VPS13B: variants seen among roughly 807,000 people sequenced by gnomAD.
The protein encoded by VPS13B is vacuolar protein sorting 13 homolog B.
Under a neutral mutation model 426.4 loss-of-function variants are expected in VPS13B, and 285 were observed. The observed-to-expected ratio is 0.67, with a 90% CI of 0.61 to 0.74. The LOEUF (loss-of-function observed/expected upper bound fraction) is 0.74, where lower values mean the gene tolerates loss of function less well. VPS13B is among the 30% of genes least tolerant of loss of function. The probability of loss-of-function intolerance (pLI) is 0.00; values close to 1 mark genes in which losing one functional copy is unlikely to be tolerated. For synonymous variants in VPS13B, 1,676 were observed against 1,676.4 expected (o/e 1.00, Z 0.01); for missense variants, 4,537 against 4,782.6 (o/e 0.95, Z 1.51).
intron 4 of VPS13B, among the ~76,000 whole-genome samples, chr8:99,097,985 T>C (rs867103706): frequency 1.5e-4 from 23 of 152,298 alleles, no homozygotes; most frequent in Non-Finnish European, 2.8e-4. Context: ...TCTACAGATA[T>C]TAACAAAGAC....
Position 99,877,363 on chromosome 8 carries a change from T to C in VPS13B, c.*1697T>C, listed in dbSNP as rs936547217. 3 of 152,666 alleles carry C rather than the reference T, an allele frequency of 2.0e-5. No individual in the cohort carries two copies. The highest frequency in any genetic ancestry group is 6.5e-5 in the Admixed American group (1 of 15,280). 9.5% of individuals were successfully genotyped at this position (152,666 alleles called of 1,614,324 possible). On this transcript the variant is annotated 3_prime_UTR_variant, in exon 62 of 62. Transcript: ENST00000357162. ...TATGTATTAATCCTTGTATCTTTTA[T>C]GGTAATTTTGCATATTGATATGAAT...
intron 19 of VPS13B, among the ~76,000 whole-genome samples, chr8:99,358,696 A>G (rs1812326303): frequency 6.6e-6 from 1 of 152,192 alleles, no homozygotes; most frequent in African/African-American, 2.4e-5. Context: ...ACACATCTGA[A>G]GAATAGCAGA....
At chr8:99,327,596 G>A (rs1001499016) in intron 19 of VPS13B, among the ~76,000 whole-genome samples, 1 of 152,110 alleles carries the variant, frequency 6.6e-6, no homozygotes, top group Non-Finnish European at 1.5e-5. Context: ...TAGAGATAGG[G>A]CAGTCAACAC....
In VPS13B at chr8:99,577,656, C is replaced by T. The variant is rs200363411; in HGVS notation, c.5220+23C>T. The T allele has an allele frequency of 1.2e-3, 1,899 of 1,612,504 alleles. 9 individuals carry two copies. The highest frequency in any genetic ancestry group is 9.4e-4 in the Non-Finnish European group (1,112 of 1,179,578). ...GAGGTAACTGTTACCTGATTTTGAT[C>T]AGGCTTACTGCATTTGTTCCAACTT... On this transcript the variant is annotated intron_variant, in intron 33 of 61. Transcript: ENST00000357162.
intron 14 of VPS13B, among the ~76,000 whole-genome samples, chr8:99,150,426 T>C (rs1811007051): frequency 6.6e-6 from 1 of 152,204 alleles, no homozygotes; most frequent in South Asian, 2.1e-4. Flanking sequence ...ACATTAGGGT[T>C]CACTCTTGGT....
chr8:99,625,787 A>AG (rs749995643), intron 33 of VPS13B, among the ~76,000 whole-genome samples: 21 of 152,306 alleles, frequency 1.4e-4, no homozygotes, highest in Admixed American at 3.9e-4. Context: ...CCGAGGCTGC[A>AG]GTGAGCTATG....
At chr8:99,442,006 C>G (rs1314152383) in intron 22 of VPS13B, among the ~76,000 whole-genome samples, 4 of 152,068 alleles carry the variant, frequency 2.6e-5, no homozygotes, top group Admixed American at 1.3e-4. Flanking sequence ...ACTAAATTCA[C>G]GTAAAAATAG....
chr8:99,691,496 T>G (rs2130087210), intron 35 of VPS13B, among the ~76,000 whole-genome samples: 1 of 152,164 alleles, frequency 6.6e-6, no homozygotes, highest in Admixed American at 6.6e-5. Flanking sequence ...GACTCAAGTT[T>G]CTGACCCTTT....
chr8:99,170,104 A>G lies in VPS13B; in HGVS notation c.2274A>G (p.Pro758=). 2 of 1,613,042 alleles carry G rather than the reference A, an allele frequency of 1.2e-6. No individual in the cohort carries two copies. The highest frequency in any genetic ancestry group is 1.7e-6 in the Non-Finnish European group (2 of 1,179,108). The change falls in exon 16 of 62, where the codon CCA becomes CCG. Residue 758 remains proline, a synonymous_variant. Transcript: ENST00000357162. ...DCSGSYCLPV[P]VIPSFSTALY... is the part of the protein sequence containing the mutation. Reference sequence around the variant, plus strand: ...GTGGATCTTACTGCTTACCTGTACCAGTTATTCCCTCTTTCAGCACTGCTC... The same window carrying G: ...GTGGATCTTACTGCTTACCTGTACCGGTTATTCCCTCTTTCAGCACTGCTC...
intron 9 of VPS13B, 125 bp downstream of exon 9, chr8:99,134,852 A>G: frequency 8.6e-7 from 1 of 1,162,458 alleles, no homozygotes; most frequent in Non-Finnish European, 1.2e-6. Flanking sequence ...TTATTTTAAT[A>G]GAGTTTACTA....
At chr8:99,136,834 G>A in intron 12 of VPS13B, 82 bp downstream of exon 12, 1 of 1,302,056 alleles carries the variant, frequency 7.7e-7, no homozygotes, top group Non-Finnish European at 1.1e-6. Context: ...GTCCTTGACT[G>A]GTTGTACTCT....
chr8:99,661,697 A>G (rs1830232997), intron 35 of VPS13B, among the ~76,000 whole-genome samples: 1 of 152,202 alleles, frequency 6.6e-6, no homozygotes, highest in Non-Finnish European at 1.5e-5. Context: ...AGTCTGACAA[A>G]AAGGTAGTTA....
chr8:99,334,826 G>T (rs1211078973), intron 19 of VPS13B, among the ~76,000 whole-genome samples: 2 of 151,872 alleles, frequency 1.3e-5, no homozygotes, highest in Non-Finnish European at 1.5e-5. Context: ...TCTCTTTTTT[G>T]GTTGTGTCTC....
At chr8:99,640,058 A>AG (rs1400114054) in intron 33 of VPS13B, among the ~76,000 whole-genome samples, 3,921 of 67,922 alleles carry the variant, frequency 0.058, 137 homozygotes, top group African/African-American at 0.11. Context: ...AGAGAAAAGA[A>AG]AAGAAAAGAA....
At chr8:99,498,708 T>C (rs1229633197) in intron 25 of VPS13B, among the ~76,000 whole-genome samples, 4 of 152,172 alleles carry the variant, frequency 2.6e-5, no homozygotes, top group Non-Finnish European at 5.9e-5. Context: ...ACTGTACTTT[T>C]GTGCACATAT....
intron 37 of VPS13B, among the ~76,000 whole-genome samples, chr8:99,720,084 A>G (rs1390516216): frequency 6.6e-6 from 1 of 152,144 alleles, no homozygotes; most frequent in African/African-American, 2.4e-5. Flanking sequence ...ATTACTTCAC[A>G]TCAACATAAT....
At chr8:99,849,465 T>C (rs554201388) in intron 55 of VPS13B, among the ~76,000 whole-genome samples, 1 of 152,304 alleles carries the variant, frequency 6.6e-6, no homozygotes, top group South Asian at 2.1e-4. Flanking sequence ...GAAATATAAG[T>C]AATCAAAGAA....
chr8:99,085,612 T>C (rs1845734745), intron 3 of VPS13B, among the ~76,000 whole-genome samples: 1 of 152,212 alleles, frequency 6.6e-6, no homozygotes, highest in Non-Finnish European at 1.5e-5. Flanking sequence ...CCATGTTTAG[T>C]GCTTCCTTCA....
Position 99,871,669 on chromosome 8 carries a change from A to T in VPS13B, c.11717A>T (p.Lys3906Met). The change falls in exon 61 of 62, where the codon AAG becomes ATG. Residue 3906 changes from lysine (K) to methionine (M), a missense_variant. Around this residue, in one of 2 missense-constraint regions of VPS13B, gnomAD observed 4,311 missense variants for 4,474.3 expected, o/e 0.96. Coordinates refer to ENST00000357162, the MANE Select transcript of VPS13B (RefSeq NM_152564.5). Reference sequence around the variant, plus strand: ...AACAACTTACTCACAGTGCAGCTCAAGCAGCCAAGAGTGGCCTGTGATGTG... The same window carrying T: ...AACAACTTACTCACAGTGCAGCTCATGCAGCCAAGAGTGGCCTGTGATGTG... Reference protein sequence around the residue: ...KQNNLLTVQLKQPRVACDVEV... With the variant: ...KQNNLLTVQLMQPRVACDVEV... 6.2e-7 allele frequency: 1 copy of T among 1,614,018 alleles called. No individual in the cohort carries two copies. Among genetic ancestry groups the T allele is most frequent in the Non-Finnish European group, 8.5e-7 (1 of 1,180,036 alleles).
Sources: gnomAD v4.1 joint callset for allele counts (sites outside exome capture counted in the v4.1 genomes callset) on GRCh38, gnomAD v4.1.1 for gene constraint, gnomAD v4.1.1 regional missense constraint, MANE v1.5 for transcripts, NCBI Gene and HGNC (gene_info 2026-07-23, HGNC 2026-07-21) for gene names.